Variants in SNX13 observed in about 807,000 individuals in gnomAD.
The protein encoded by SNX13 is sorting nexin-13.
SNX13 carries 45 observed loss-of-function variants against 133.6 expected under a neutral mutation model. The observed-to-expected ratio is 0.34, with a 90% CI of 0.27 to 0.43. The LOEUF (loss-of-function observed/expected upper bound fraction) is 0.43. Ranked by LOEUF, SNX13 falls within the 20% of genes least tolerant of loss-of-function variation. The probability of loss-of-function intolerance (pLI) is 1.00; values close to 1 mark genes in which losing one functional copy is unlikely to be tolerated. For missense variants in SNX13, 1,032 were observed against 1,145.1 expected, an observed-to-expected ratio of 0.90 and a Z score of 1.43; for synonymous variants, 414 against 373.9, an observed-to-expected ratio of 1.11 and a Z score of -1.24.
intron 17 of SNX13, among the ~76,000 whole-genome samples, chr7:17,824,514 G>T (rs1787655702): frequency 6.6e-6 from 1 of 151,934 alleles, no homozygotes; most frequent in African/African-American, 2.4e-5. Context: ...ACAACCCTAT[G>T]AGTTATGTAT....
rs561866493 is a variant in SNX13 at position 17,831,994 on chromosome 7, G to C, written c.1598-1947C>G. On this transcript the variant is annotated intron_variant, in intron 15 of 25. Transcript: ENST00000428135. ...TTGAATGGTTTCAAAAAAGGGATAG[G>C]TAATTTCACAGTATAAAACTCATCA... 1.1e-4 allele frequency: 108 copies of C among 983,764 alleles called. No individual in the cohort carries two copies. The African/African-American group carries it at 1.8e-3, about 16-fold the overall frequency. The allele number at this position is 983,764 out of a possible 1,614,324, so 60.9% of individuals were successfully genotyped here. A position where few individuals can be genotyped will look rare whatever the true frequency, so the allele number is the denominator to read the frequency against.
chr7:17,902,624 A>G (rs1797957478), intron 1 of SNX13, among the ~76,000 whole-genome samples: 1 of 152,232 alleles, frequency 6.6e-6, no homozygotes. Flanking sequence ...CTTCTATATA[A>G]GAAACCTTTC....
chr7:17,829,892 A>T, intron 16 of SNX13, 118 bp downstream of exon 16: 2 of 611,810 alleles, frequency 3.3e-6, no homozygotes, highest in Non-Finnish European at 5.2e-6. Flanking sequence ...ATAACTTTTT[A>T]CAATACTAAA....
intron 5 of SNX13, among the ~76,000 whole-genome samples, chr7:17,886,288 T>C (rs1184300599): frequency 3.3e-5 from 5 of 151,876 alleles, no homozygotes; most frequent in African/African-American, 1.2e-4. Context: ...CTACTTTCGC[T>C]GGGGGGCACA....
At chr7:17,852,476 C>CT (rs1465997534) in intron 9 of SNX13, among the ~76,000 whole-genome samples, 1 of 152,108 alleles carries the variant, frequency 6.6e-6, no homozygotes, top group African/African-American at 2.4e-5. Flanking sequence ...AATAAGGAAT[C>CT]TAAGAATTGA....
intron 14 of SNX13, among the ~76,000 whole-genome samples, chr7:17,834,505 A>G (rs1451581223): frequency 6.6e-6 from 1 of 151,906 alleles, no homozygotes; most frequent in South Asian, 2.1e-4. Context: ...GCATCAATTC[A>G]TCAAATTCTG....
At chr7:17,830,509 C>T (rs1485953893) in intron 15 of SNX13, 4 of 983,666 alleles carry the variant, frequency 4.1e-6, no homozygotes, top group African/African-American at 1.8e-5. Flanking sequence ...TTTAATAGGT[C>T]TATTAAGTCC....
intron 1 of SNX13, among the ~76,000 whole-genome samples, chr7:17,921,813 G>A (rs1800157636): frequency 6.6e-6 from 1 of 152,194 alleles, no homozygotes. Context: ...CCAGATGATT[G>A]CAATATGCAG....
chr7:17,810,459 T>C (rs557475818), intron 20 of SNX13, among the ~76,000 whole-genome samples: 84 of 152,108 alleles, frequency 5.5e-4, no homozygotes, highest in Middle Eastern at 3.4e-3. Flanking sequence ...AGTTCTGAAA[T>C]TGAGGCAGTA....
chr7:17,899,341 T>C (rs529600606), intron 1 of SNX13: 7 of 152,320 alleles, frequency 4.6e-5, no homozygotes, highest in Non-Finnish European at 8.8e-5. Context: ...ATTTTAATAT[T>C]GATATCTTTT....
Position 17,897,360 on chromosome 7 carries a change from T to C in SNX13, c.99A>G (p.Thr33=), listed in dbSNP as rs1009116966. The C allele has an allele frequency of 1.3e-5, 20 of 1,585,230 alleles. No homozygotes were observed. Among genetic ancestry groups the C allele is most frequent in the East Asian group, 4.6e-5 (2 of 43,934 alleles). The change falls in exon 2 of 26, where the codon ACA becomes ACG. Residue 33 remains threonine, a synonymous_variant. Coordinates refer to ENST00000428135, the MANE Select transcript of SNX13 (RefSeq NM_015132.5). The part of the protein sequence containing the change: ...TFGPFVIFYL[T]FYILCFVGGG... ...CACCCACAAAGCAGAGGATATAAAATGTCAAATAAAATATTACAAAGGGTC... is the reference window on the plus strand; with the variant it reads ...CACCCACAAAGCAGAGGATATAAAACGTCAAATAAAATATTACAAAGGGTC...
intron 2 of SNX13, among the ~76,000 whole-genome samples, chr7:17,896,834 A>T (rs1336044684): frequency 6.6e-6 from 1 of 152,090 alleles, no homozygotes; most frequent in Non-Finnish European, 1.5e-5. Flanking sequence ...GGAAAACATA[A>T]ACGTACACCA....
intron 1 of SNX13, among the ~76,000 whole-genome samples, chr7:17,924,539 T>G (rs531026615): frequency 6.6e-6 from 1 of 152,224 alleles, no homozygotes. Context: ...GTGCAGCCAC[T>G]TTGAAAAATA....
chr7:17,926,327 T>C (rs999638350), intron 1 of SNX13, among the ~76,000 whole-genome samples: 2 of 152,026 alleles, frequency 1.3e-5, no homozygotes, highest in African/African-American at 2.4e-5. Context: ...ATCACAAATA[T>C]ACTAACAATA....
At position 17,814,702 on chromosome 7, in the gene SNX13, AC is replaced by A. The variant is rs2128297489; in HGVS notation, c.2064+131del. 4 of 674,276 alleles carry A rather than the reference AC, an allele frequency of 5.9e-6. No individual in the cohort carries two copies. The East Asian group carries it at 1.4e-4, about 24-fold the overall frequency. 41.8% of individuals were successfully genotyped at this position (674,276 alleles called of 1,614,324 possible). ...TAGATATTCCTACCAATAGTGATAA[AC>A]ATGCCGAGAACTTAATAAAATTTTC... On this transcript the variant is annotated intron_variant, in intron 20 of 25. Coordinates refer to ENST00000428135, the MANE Select transcript of SNX13 (RefSeq NM_015132.5).
At chr7:17,937,026 A>T (rs1434667690) in intron 1 of SNX13, among the ~76,000 whole-genome samples, 23 of 150,808 alleles carry the variant, frequency 1.5e-4, no homozygotes, top group African/African-American at 5.3e-4. Context: ...AAAATAAAAA[A>T]AAAAAAACTA....
At chr7:17,804,513 T>C (rs944699099) in intron 20 of SNX13, among the ~76,000 whole-genome samples, 1 of 151,918 alleles carries the variant, frequency 6.6e-6, no homozygotes, top group Non-Finnish European at 1.5e-5. Context: ...ACGAAGACTG[T>C]AAAAGGAAAT....
At chr7:17,839,664 C>T (rs1182199794) in intron 13 of SNX13, 143 bp downstream of exon 13, 13 of 582,748 alleles carry the variant, frequency 2.2e-5, no homozygotes, top group African/African-American at 3.9e-5. Context: ...TTCACTTAAA[C>T]GAGGATACAG....
At chr7:17,818,430 G>C (rs1255926763) in intron 18 of SNX13, among the ~76,000 whole-genome samples, 1 of 152,146 alleles carries the variant, frequency 6.6e-6, no homozygotes, top group African/African-American at 2.4e-5. Flanking sequence ...TAAGTTGTCT[G>C]TCTGGAACAG....
Sources: allele counts gnomAD v4.1 joint callset (sites outside exome capture counted in the v4.1 genomes callset), GRCh38; gene constraint gnomAD v4.1.1; transcripts MANE v1.5; gene names NCBI Gene and HGNC (gene_info 2026-07-23, HGNC 2026-07-21).